CRIM1: variants seen among roughly 807,000 people sequenced by gnomAD.
CRIM1 encodes cysteine-rich motor neuron 1 protein.
Under a neutral mutation model 116.4 loss-of-function variants are expected in CRIM1, and 32 were observed. That is an observed-to-expected ratio of 0.27 (90% CI 0.21 to 0.37). CRIM1 has a LOEUF of 0.37. Ranked by LOEUF, CRIM1 falls within the 10% of genes least tolerant of loss-of-function variation. The pLI is 1.00. For synonymous variants in CRIM1, 590 were observed against 509.2 expected (o/e 1.16, Z -2.13); for missense variants, 1,331 against 1,354.8 (o/e 0.98, Z 0.28).
chr2:36,508,983 T>G (rs1430867177), intron 8 of CRIM1, among the ~76,000 whole-genome samples: 1 of 152,214 alleles, frequency 6.6e-6, no homozygotes, highest in Non-Finnish European at 1.5e-5. Context: ...ACACACACAT[T>G]TTTTAGCCTG....
chr2:36,455,724 A>T (rs996009382), intron 4 of CRIM1, among the ~76,000 whole-genome samples: 4 of 152,184 alleles, frequency 2.6e-5, no homozygotes, highest in Admixed American at 6.5e-5. Context: ...GGAGATGGCT[A>T]TAAGGAAATA....
intron 1 of CRIM1, among the ~76,000 whole-genome samples, chr2:36,373,882 T>C (rs1179157487): frequency 6.6e-6 from 1 of 152,176 alleles, no homozygotes; most frequent in Non-Finnish European, 1.5e-5. Context: ...AGTATGTTTT[T>C]CAAACTGAAG....
intron 2 of CRIM1, among the ~76,000 whole-genome samples, chr2:36,440,124 G>A (rs1368173480): frequency 1.3e-5 from 2 of 152,210 alleles, no homozygotes; most frequent in Non-Finnish European, 2.9e-5. Flanking sequence ...CAAGACCTGA[G>A]TGGACTGGAA....
In CRIM1 at chr2:36,550,393, CA is replaced by C. The variant is rs1424851386; in HGVS notation, c.*1693del. ...CTTAGCACTTTTATACTAATTAACC[CA>C]TTTGTGCATTGAGTTTTCTTTTAAA... On this transcript the variant is annotated 3_prime_UTR_variant, in exon 17 of 17. Coordinates refer to ENST00000280527, the MANE Select transcript of CRIM1 (RefSeq NM_016441.3). The C allele has an allele frequency of 6.6e-6, 1 of 152,398 alleles. No individual in the cohort carries two copies. The highest frequency in any genetic ancestry group is 1.5e-5 in the Non-Finnish European group (1 of 68,004). The allele number at this position is 152,398 out of a possible 1,614,324, so 9.4% of individuals were successfully genotyped here. A position where few individuals can be genotyped will look rare whatever the true frequency, so the allele number is the denominator to read the frequency against.
At chr2:36,496,090 C>T (rs189100183) in intron 7 of CRIM1, among the ~76,000 whole-genome samples, 2 of 152,160 alleles carry the variant, frequency 1.3e-5, no homozygotes, top group East Asian at 3.9e-4. Flanking sequence ...ACAGTTACTC[C>T]AATTACATAG....
chr2:36,391,435 G>C (rs1489000920), intron 1 of CRIM1, among the ~76,000 whole-genome samples: 1 of 151,968 alleles, frequency 6.6e-6, no homozygotes, highest in East Asian at 1.9e-4. Context: ...GCCCACTTTT[G>C]ATTTTTTTAG....
chr2:36,377,431 G>C (rs545660970), intron 1 of CRIM1, among the ~76,000 whole-genome samples: 129 of 152,162 alleles, frequency 8.5e-4, no homozygotes, highest in Non-Finnish European at 1.2e-3. Context: ...AAACAAAATC[G>C]TGCACTAGTG....
intron 12 of CRIM1, among the ~76,000 whole-genome samples, 169 bp downstream of exon 12, chr2:36,517,711 A>G (rs1182902724): frequency 6.6e-6 from 1 of 152,136 alleles, no homozygotes; most frequent in Non-Finnish European, 1.5e-5. Context: ...TCTCTTTATC[A>G]ACCACCTATT....
At chr2:36,535,251 G>C (rs1310477689) in intron 13 of CRIM1, among the ~76,000 whole-genome samples, 1 of 151,774 alleles carries the variant, frequency 6.6e-6, no homozygotes, top group East Asian at 1.9e-4. Flanking sequence ...GGGAAGGAGA[G>C]AGGGGAAAGG....
rs952753699 is a variant in CRIM1 at position 36,435,349 on chromosome 2, TGA to T, written c.506-5907_506-5906del. Among the ~76,000 whole-genome samples, 13 of 151,654 alleles carry T rather than the reference TGA, an allele frequency of 8.6e-5. No homozygotes were observed. The East Asian group carries it at 1.6e-3, about 18-fold the overall frequency. Reference sequence around the variant, plus strand: ...ATCTCACTGTGTGTGTGTGTGTGTGTGAGTGAGAGAGAGACAGAGAGAGAGAA... The same window carrying T: ...ATCTCACTGTGTGTGTGTGTGTGTGTGTGAGAGAGAGACAGAGAGAGAGAA... On this transcript the variant is annotated intron_variant, in intron 2 of 16. Coordinates refer to ENST00000280527, the MANE Select transcript of CRIM1 (RefSeq NM_016441.3).
chr2:36,408,457 T>C (rs1672977454), intron 2 of CRIM1, among the ~76,000 whole-genome samples: 1 of 152,216 alleles, frequency 6.6e-6, no homozygotes, highest in African/African-American at 2.4e-5. Flanking sequence ...ACAAAGGTTT[T>C]TCCTGACATG....
At chr2:36,483,763 G>C (rs547055058) in intron 7 of CRIM1, among the ~76,000 whole-genome samples, 2 of 152,208 alleles carry the variant, frequency 1.3e-5, no homozygotes, top group Non-Finnish European at 2.9e-5. Context: ...GAGGAGGAAA[G>C]AAAGACTGGA....
Position 36,513,541 on chromosome 2 carries a change from C to T in CRIM1, c.1781-15C>T. On this transcript the variant is annotated splice_polypyrimidine_tract_variant and intron_variant, in intron 10 of 16. Coordinates refer to ENST00000280527, the MANE Select transcript of CRIM1 (RefSeq NM_016441.3). ...AGTAGCCACTTCTTTACCAGGCTGCCTTTTGTCTGTCCAGAGGCCTCTGCT... is the reference window on the plus strand; with the variant it reads ...AGTAGCCACTTCTTTACCAGGCTGCTTTTTGTCTGTCCAGAGGCCTCTGCT... 2 of 1,612,852 alleles carry T rather than the reference C, an allele frequency of 1.2e-6. No homozygotes were observed. The highest frequency in any genetic ancestry group is 1.7e-6 in the Non-Finnish European group (2 of 1,179,010).
rs74990226 is a variant in CRIM1 at position 36,478,385 on chromosome 2, A to G, written c.1175-1112A>G. On this transcript the variant is annotated intron_variant, in intron 6 of 16. Coordinates refer to ENST00000280527, the MANE Select transcript of CRIM1 (RefSeq NM_016441.3). The stretch of plus-strand genomic sequence containing the variant: ...GCAGCAGTTGATGCTGTAAAAATGT[A>G]GATACGAACCTCTGTGTAGTCATCA... Among the ~76,000 whole-genome samples the G allele has an allele frequency of 2.3e-3, 349 of 152,346 alleles. 2 individuals are homozygous for G. The highest frequency in any genetic ancestry group is 7.9e-3 in the African/African-American group (330 of 41,574).
chr2:36,442,493 A>G (rs878865596), intron 3 of CRIM1, 122 bp from the exon 4 acceptor site: 2 of 1,139,594 alleles, frequency 1.8e-6, no homozygotes, highest in Non-Finnish European at 2.6e-6. Flanking sequence ...TGTCGACACT[A>G]GGACTGGGTT....
intron 1 of CRIM1, among the ~76,000 whole-genome samples, chr2:36,365,736 G>GT (rs756853852): frequency 0.027 from 3,661 of 137,540 alleles, 137 homozygotes; most frequent in African/African-American, 0.081. Context: ...CTATGTTTGT[G>GT]TTTTTTTTTT....
chr2:36,439,939 A>C (rs1049934452), intron 2 of CRIM1, among the ~76,000 whole-genome samples: 8 of 152,222 alleles, frequency 5.3e-5, no homozygotes, highest in Admixed American at 2.0e-4. Context: ...CTGAAGCAAC[A>C]GGTGCTCAGT....
In CRIM1 at chr2:36,380,099, C is replaced by G. The variant is rs553250821; in HGVS notation, c.332-16515C>G. 2.6e-5 allele frequency among the ~76,000 whole-genome samples: 4 copies of G among 152,248 alleles called. No homozygotes were observed. In the South Asian group the frequency reaches 8.3e-4, roughly 32 times the overall value. ...GGGCTCCTCTTCACTTATTCCTTCT[C>G]CCCAATCTCCCCAGCACTGTGTTCT... On this transcript the variant is annotated intron_variant, in intron 1 of 16. Transcript: ENST00000280527.
At chr2:36,363,640 A>G (rs982684442) in intron 1 of CRIM1, among the ~76,000 whole-genome samples, 8 of 150,172 alleles carry the variant, frequency 5.3e-5, no homozygotes, top group African/African-American at 2.0e-4. Flanking sequence ...GATTTGTAGG[A>G]ATTATAAATG....
Sources: allele counts gnomAD v4.1 joint callset (sites outside exome capture counted in the v4.1 genomes callset), GRCh38; gene constraint gnomAD v4.1.1; transcripts MANE v1.5; gene names NCBI Gene and HGNC (gene_info 2026-07-23, HGNC 2026-07-21).